The following IL15 variants were observed in gnomAD, a reference collection of about 807,000 sequenced individuals.
IL15 encodes the protein interleukin-15.
A neutral mutation model predicts 19.6 loss-of-function variants in IL15; 11 were observed. The observed-to-expected ratio is 0.56, with a 90% CI of 0.35 to 0.93. IL15 has a LOEUF of 0.93. Among genes scored for constraint, IL15 ranks in the 40% least tolerant of loss-of-function variants. The pLI, the probability that IL15 is intolerant of heterozygous loss-of-function variation, is 0.01. For synonymous variants in IL15, 58 were observed against 59.6 expected, an observed-to-expected ratio of 0.97 and a Z score of 0.12; for missense variants, 197 against 186.5, an observed-to-expected ratio of 1.06 and a Z score of -0.33.
intron 2 of IL15, among the ~76,000 whole-genome samples, chr4:141,663,723 C>T (rs1266506667): frequency 1.3e-5 from 2 of 152,010 alleles, no homozygotes; most frequent in Non-Finnish European, 2.9e-5. Flanking sequence ...ATGGAAAGGT[C>T]GGGGAAGTTG....
At chr4:141,702,077 C>G (rs1249721638) in intron 2 of IL15, among the ~76,000 whole-genome samples, 1 of 152,178 alleles carries the variant, frequency 6.6e-6, no homozygotes, top group African/African-American at 2.4e-5. Flanking sequence ...GATCTCTTCT[C>G]CAAGACCCTT....
chr4:141,731,974 G>C (rs1730467005), intron 7 of IL15, among the ~76,000 whole-genome samples: 1 of 152,170 alleles, frequency 6.6e-6, no homozygotes, highest in Non-Finnish European at 1.5e-5. Context: ...ACCAATGGGT[G>C]ATTACAGTGT....
At chr4:141,654,832 T>G (rs1277017966) in intron 1 of IL15, among the ~76,000 whole-genome samples, 1 of 152,156 alleles carries the variant, frequency 6.6e-6, no homozygotes, top group Non-Finnish European at 1.5e-5. Flanking sequence ...TTTTAAAATA[T>G]TTTGGTTACC....
intron 6 of IL15, among the ~76,000 whole-genome samples, chr4:141,728,652 C>T (rs1730347651): frequency 6.6e-6 from 1 of 152,082 alleles, no homozygotes; most frequent in Admixed American, 6.6e-5. Flanking sequence ...TCTATGTCCT[C>T]TCTCCATTAT....
intron 2 of IL15, among the ~76,000 whole-genome samples, chr4:141,675,853 T>C (rs1484539656): frequency 2.6e-5 from 4 of 152,112 alleles, no homozygotes; most frequent in African/African-American, 7.2e-5. Context: ...ATATCGAAAA[T>C]GTAGCTTTTA....
Position 141,732,961 on chromosome 4 carries a change from CAAG to C in IL15, c.*118_*120del, listed in dbSNP as rs1730501562. The C allele has an allele frequency of 6.9e-7, 1 of 1,450,760 alleles. No individual in the cohort carries two copies. The highest frequency in any genetic ancestry group is 9.1e-7 in the Non-Finnish European group (1 of 1,101,336). The allele number at this position is 1,450,760 out of a possible 1,614,324, so 89.9% of individuals were successfully genotyped here. ...GTGCTGTCAAAACAAGTTTTTCTGT[CAAG>C]AAGATGATCAGACCTTGGATCAGAT... On this transcript the variant is annotated 3_prime_UTR_variant, in exon 8 of 8. Coordinates refer to ENST00000320650, the MANE Select transcript of IL15 (RefSeq NM_000585.5).
chr4:141,704,064 T>C (rs1448328494), intron 2 of IL15, among the ~76,000 whole-genome samples: 1 of 152,220 alleles, frequency 6.6e-6, no homozygotes, highest in Non-Finnish European at 1.5e-5. Context: ...TCTGGCCTAA[T>C]TGTCCTGGGT....
intron 7 of IL15, 89 bp downstream of exon 7, chr4:141,730,073 G>A: frequency 1.0e-6 from 1 of 999,252 alleles, no homozygotes; most frequent in Non-Finnish European, 1.6e-6. Context: ...ATCCTCCTAA[G>A]GGGCAATCAG....
chr4:141,710,278 G>A (rs867307620), intron 2 of IL15, among the ~76,000 whole-genome samples: 3 of 152,152 alleles, frequency 2.0e-5, no homozygotes, highest in Non-Finnish European at 2.9e-5. Flanking sequence ...GGTCTTAGGG[G>A]TGGGAGGTGT....
intron 2 of IL15, among the ~76,000 whole-genome samples, chr4:141,695,634 A>T (rs1729067057): frequency 6.6e-6 from 1 of 151,922 alleles, no homozygotes; most frequent in South Asian, 2.1e-4. Context: ...TCTGTTTTTA[A>T]TTGTTTGAGG....
chr4:141,711,630 G>A (rs1280402142), intron 2 of IL15, among the ~76,000 whole-genome samples: 11 of 152,062 alleles, frequency 7.2e-5, no homozygotes, highest in African/African-American at 1.7e-4. Context: ...CAAAATGAAT[G>A]ATGTCAAAAA....
At chr4:141,721,585 A>G (rs1730082698) in intron 4 of IL15, 1 of 523,770 alleles carries the variant, frequency 1.9e-6, no homozygotes, top group Non-Finnish European at 3.6e-6. Context: ...AAAGGAAACT[A>G]GTAATTCATT....
intron 2 of IL15, among the ~76,000 whole-genome samples, chr4:141,659,392 G>A (rs1727715488): frequency 6.6e-6 from 1 of 151,532 alleles, no homozygotes; most frequent in African/African-American, 2.4e-5. Flanking sequence ...TAGTAGAGAC[G>A]GAGTTTCACC....
At chr4:141,718,144 A>G (rs942345533) in intron 2 of IL15, 1 of 152,162 alleles carries the variant, frequency 6.6e-6, no homozygotes, top group Admixed American at 6.5e-5. Context: ...GTGAAAATCC[A>G]TTGTGACATT....
intron 6 of IL15, among the ~76,000 whole-genome samples, chr4:141,729,620 T>C (rs985708804): frequency 2.6e-5 from 4 of 152,180 alleles, no homozygotes; most frequent in Non-Finnish European, 5.9e-5. Context: ...TTTCATGTTC[T>C]TCTGTACAAT....
intron 2 of IL15, among the ~76,000 whole-genome samples, chr4:141,714,436 C>T (rs1729806815): frequency 6.6e-6 from 1 of 152,086 alleles, no homozygotes; most frequent in Non-Finnish European, 1.5e-5. Context: ...CCTGCAACAA[C>T]CCCCTTTCCT....
At chr4:141,674,436 A>G (rs1271289044) in intron 2 of IL15, among the ~76,000 whole-genome samples, 1 of 152,182 alleles carries the variant, frequency 6.6e-6, no homozygotes, top group African/African-American at 2.4e-5. Context: ...CAATACAAAA[A>G]TTAGCCGGAT....
intron 6 of IL15, among the ~76,000 whole-genome samples, chr4:141,728,977 T>G (rs1193189903): frequency 6.6e-6 from 1 of 152,172 alleles, no homozygotes; most frequent in East Asian, 1.9e-4. Context: ...ATTTTAAAAC[T>G]GACTCCACCA....
intron 2 of IL15, among the ~76,000 whole-genome samples, chr4:141,662,915 A>C (rs1437540596): frequency 6.6e-6 from 1 of 152,180 alleles, no homozygotes; most frequent in Non-Finnish European, 1.5e-5. Context: ...ACTGATATCT[A>C]AGTTTGATAA....
Sources: gnomAD v4.1 joint callset for allele counts (sites outside exome capture counted in the v4.1 genomes callset) on GRCh38, gnomAD v4.1.1 for gene constraint, MANE v1.5 for transcripts, NCBI Gene and HGNC (gene_info 2026-07-23, HGNC 2026-07-21) for gene names.